Variants in CCDC77 observed in about 807,000 individuals in gnomAD.
The protein encoded by CCDC77 is coiled-coil domain-containing protein 77.
Under a neutral mutation model 66.8 loss-of-function variants are expected in CCDC77, and 56 were observed. The observed-to-expected ratio is 0.84, with a 90% CI of 0.68 to 1.05. CCDC77 has a LOEUF of 1.05. Ranked by LOEUF, CCDC77 falls within the 50% of genes least tolerant of loss-of-function variation. CCDC77 has a pLI of 0.00. For missense variants in CCDC77, 570 were observed against 576.8 expected (o/e 0.99, Z 0.12); for synonymous variants, 196 against 195.2 (o/e 1.00, Z -0.03).
chr12:422,531 T>A (rs541027879), intron 5 of CCDC77, among the ~76,000 whole-genome samples: 226 of 152,378 alleles, frequency 1.5e-3, no homozygotes, highest in African/African-American at 5.2e-3. Flanking sequence ...ATACAGTATT[T>A]GTTATGCTTA....
At chr12:398,963 G>A (rs1289830544), upstream of CCDC77, among the ~76,000 whole-genome samples, 2 of 151,824 alleles carry the variant, frequency 1.3e-5, no homozygotes, top group Admixed American at 6.6e-5. Flanking sequence ...TGTTGCCCAG[G>A]CTTGTCATGC....
At chr12:427,008 TGG>T (rs1945545342) in intron 5 of CCDC77, among the ~76,000 whole-genome samples, 1 of 151,976 alleles carries the variant, frequency 6.6e-6, no homozygotes, top group South Asian at 2.1e-4. Context: ...CACTTTGGGG[TGG>T]CTGAGGCGGG....
chr12:424,189 T>G (rs1945487481), intron 5 of CCDC77, among the ~76,000 whole-genome samples: 1 of 152,158 alleles, frequency 6.6e-6, no homozygotes. Flanking sequence ...CAGGCTGGTC[T>G]CAAACTCCTG....
chr12:398,443 CT>C (rs35850472), upstream of CCDC77, among the ~76,000 whole-genome samples: 100,804 of 145,944 alleles, frequency 0.69, 34,849 homozygotes, highest in Admixed American at 0.78. Flanking sequence ...TCAGGTTCCA[CT>C]TTTTTTTTTT....
intron 4 of CCDC77, among the ~76,000 whole-genome samples, chr12:414,128 G>C (rs1339453669): frequency 7.0e-6 from 1 of 143,222 alleles, no homozygotes; most frequent in African/African-American, 2.7e-5. Context: ...GTCTCACCCT[G>C]TCTGCCAGGC....
In CCDC77 at chr12:423,483, TTTTTTGTTTTG is replaced by T. The variant is rs1565572217; in HGVS notation, c.413+4853_413+4863del. 3.7e-3 allele frequency among the ~76,000 whole-genome samples: 121 copies of T among 33,106 alleles called. 21 individuals carry two copies. Among genetic ancestry groups the T allele is most frequent in the African/African-American group, 0.013 (93 of 7,222 alleles). 21.7% of individuals were successfully genotyped at this position (33,106 alleles called of 152,430 possible). ...GGTGTTTTTTGTGTTTTTTGTGTTT[TTTTTTGTTTTG>T]TTTTTTTTTTTTTTTTTTTGAGACA... On this transcript the variant is annotated intron_variant, in intron 5 of 12. Coordinates refer to ENST00000239830, the MANE Select transcript of CCDC77 (RefSeq NM_032358.4).
chr12:389,676 CT>C (rs1244483975), intron 1 of CCDC77: 2 of 190,196 alleles, frequency 1.1e-5, no homozygotes, highest in African/African-American at 4.8e-5. Flanking sequence ...AGGAGGGTCC[CT>C]TTCCCTTTTG....
rs148233661 is a variant in CCDC77, at chr12:440,708, G to C, written c.1133G>C (p.Arg378Pro). The C allele has an allele frequency of 1.2e-6, 2 of 1,614,112 alleles. No individual in the cohort carries two copies. Among genetic ancestry groups the C allele is most frequent in the Non-Finnish European group, 8.5e-7 (1 of 1,180,034 alleles). The part of the protein sequence containing the change: ...ISLEEELARI[R>P]EEEGMRREIF... ...TTAGAAGAAGAACTTGCCCGAATTC[G>C]TGAGGAAGAGGGAATGAGGAGAGAG... is the stretch of plus-strand genomic sequence containing the variant. Residue 378 changes from arginine to proline, a missense_variant, in exon 11 of 13, where the codon CGT (arginine) becomes CCT (proline). By Grantham distance (103) the Arg-to-Pro change is moderately radical. Transcript: ENST00000239830.
chr12:436,039 C>T (rs1945742697), intron 9 of CCDC77, among the ~76,000 whole-genome samples: 1 of 151,984 alleles, frequency 6.6e-6, no homozygotes, highest in Non-Finnish European at 1.5e-5. Context: ...TGTGCCCAGC[C>T]TTGCACTCTC....
intron 3 of CCDC77, among the ~76,000 whole-genome samples, chr12:411,469 C>T (rs1160798585): frequency 6.6e-6 from 1 of 151,590 alleles, no homozygotes; most frequent in African/African-American, 2.4e-5. Flanking sequence ...TGTGAGCCAC[C>T]ACGCCCGGCC....
At chr12:401,522 C>G (rs571599245), upstream of CCDC77, 1 of 152,452 alleles carries the variant, frequency 6.6e-6, no homozygotes, top group African/African-American at 2.4e-5. Flanking sequence ...GAGATGGGGG[C>G]GGGCCTCTGT....
intron 1 of CCDC77, chr12:390,009 C>G (rs1357113412): frequency 6.7e-6 from 1 of 149,034 alleles, no homozygotes; most frequent in Non-Finnish European, 1.5e-5. Flanking sequence ...CCAGTATCGT[C>G]TAGCTACCTG....
intron 5 of CCDC77, among the ~76,000 whole-genome samples, chr12:420,198 A>G (rs1945372010): frequency 9.0e-5 from 1 of 11,068 alleles, no homozygotes. Flanking sequence ...GAGAGGGTAA[A>G]TACACACATA....
At chr12:418,871 G>T in intron 5 of CCDC77, 2 of 430,422 alleles carry the variant, frequency 4.6e-6, no homozygotes, top group South Asian at 6.1e-5. Context: ...GCTCATTTTT[G>T]TATTTTTAGT....
chr12:419,399 A>T (rs188930191), intron 5 of CCDC77, among the ~76,000 whole-genome samples: 1 of 152,370 alleles, frequency 6.6e-6, no homozygotes, highest in African/African-American at 2.4e-5. Context: ...GAGTCATAGC[A>T]GTACACTACA....
At position 440,962 on chromosome 12, in the gene CCDC77, AGAAACT is replaced by A. The variant is rs1945847982; in HGVS notation, c.1291_1296del (p.Leu431_Lys432del). 1.2e-6 allele frequency: 2 copies of A among 1,612,776 alleles called. No homozygotes were observed. Among genetic ancestry groups the A allele is most frequent in the East Asian group, 4.5e-5 (2 of 44,880 alleles). ...AAGACAGATATTAAAGTTCTCCGAC[AGAAACT>A]GAAAGACTTGGAGCAAATGTTGTAT... is the stretch of plus-strand genomic sequence containing the variant. On this transcript the variant is annotated inframe_deletion, in exon 12 of 13. Coordinates refer to ENST00000239830, the MANE Select transcript of CCDC77 (RefSeq NM_032358.4).
chr12:413,612 A>G (rs559437958), intron 4 of CCDC77, among the ~76,000 whole-genome samples: 1 of 142,868 alleles, frequency 7.0e-6, no homozygotes, highest in Non-Finnish European at 1.5e-5. Context: ...TGACTTTCCC[A>G]TTCACTGAAT....
chr12:409,078 A>G (rs924408034), intron 2 of CCDC77, among the ~76,000 whole-genome samples: 9 of 151,828 alleles, frequency 5.9e-5, no homozygotes, highest in Admixed American at 5.3e-4. Context: ...AGTGGTGCAC[A>G]CCTGTAGTCC....
rs1389705063 is a variant in CCDC77 at position 401,644 on chromosome 12, G to GT, written c.-106dup. ...CGCGCCGCTCCTTGGTTTGACTTTT[G>GT]TTTTTCAGTTGCGTTCCCTGACTCG... is the stretch of plus-strand genomic sequence containing the variant. On this transcript the variant is annotated 5_prime_UTR_variant, in exon 1 of 13. Coordinates refer to ENST00000239830, the MANE Select transcript of CCDC77 (RefSeq NM_032358.4). 6.6e-6 allele frequency: 1 copy of GT among 152,338 alleles called. No individual in the cohort carries two copies. The highest frequency in any genetic ancestry group is 1.5e-5 in the Non-Finnish European group (1 of 68,112). 9.4% of individuals were successfully genotyped at this position (152,338 alleles called of 1,614,324 possible). A position where few individuals can be genotyped will look rare whatever the true frequency, so the allele number is the denominator to read the frequency against.
Sources: allele counts gnomAD v4.1 joint callset (sites outside exome capture counted in the v4.1 genomes callset), GRCh38; gene constraint gnomAD v4.1.1; transcripts MANE v1.5; gene names NCBI Gene and HGNC (gene_info 2026-07-23, HGNC 2026-07-21).